The following KAZN variants were observed in gnomAD, a reference collection of about 807,000 sequenced individuals.
The protein encoded by KAZN is kazrin.
A neutral mutation model predicts 87.4 loss-of-function variants in KAZN; 40 were observed. The ratio of observed to expected loss-of-function variants is 0.46; its 90% CI spans 0.36 to 0.60. The LOEUF (loss-of-function observed/expected upper bound fraction) is 0.60. Ranked by LOEUF, KAZN falls within the 20% of genes least tolerant of loss-of-function variation. KAZN has a pLI of 0.00. For missense variants in KAZN, 898 were observed against 1,073.9 expected (o/e 0.84, Z 2.29); for synonymous variants, 466 against 458.3 (o/e 1.02, Z -0.22).
intron 1 of KAZN, among the ~76,000 whole-genome samples, chr1:14,731,880 T>G (rs1643693512): frequency 6.6e-6 from 1 of 151,500 alleles, no homozygotes; most frequent in Non-Finnish European, 1.5e-5. Context: ...ATGAGGGGGG[T>G]TGGGAGCGTT....
At position 14,481,198 on chromosome 1, in the gene KAZN, T is replaced by C. The variant is rs116095544; in HGVS notation, c.250-117785T>C. On this transcript the variant is annotated intron_variant, in intron 2 of 16. Transcript: ENST00000636203. ...CCTCTGCCTCTTATGTGTTGCATCT[T>C]CTTGGGCAATTTTCCTGCCCACTCA... Among the ~76,000 whole-genome samples the C allele has an allele frequency of 2.5e-3, 388 of 152,234 alleles. 1 individual carries two copies. The highest frequency in any genetic ancestry group is 7.6e-3 in the African/African-American group (317 of 41,562).
At chr1:14,324,641 A>G (rs74388618) in intron 2 of KAZN, among the ~76,000 whole-genome samples, 3,508 of 152,144 alleles carry the variant, frequency 0.023, 140 homozygotes, top group African/African-American at 0.08. Flanking sequence ...ATGGAGTGCC[A>G]TTCTACCAAG....
chr1:14,516,240 GCTCT>G (rs1233135573), intron 2 of KAZN, among the ~76,000 whole-genome samples: 1 of 152,202 alleles, frequency 6.6e-6, no homozygotes, highest in Non-Finnish European at 1.5e-5. Flanking sequence ...GTCATTCCCT[GCTCT>G]CTCTCATGAT....
chr1:14,064,276 TG>T (rs1423494692), intron 1 of KAZN, among the ~76,000 whole-genome samples: 1 of 152,078 alleles, frequency 6.6e-6, no homozygotes, highest in Non-Finnish European at 1.5e-5. Context: ...GAGGGGAGGC[TG>T]GGGGCTCTAA....
chr1:13,962,242 G>A (rs1641780613), intron 1 of KAZN, among the ~76,000 whole-genome samples: 1 of 152,156 alleles, frequency 6.6e-6, no homozygotes, highest in African/African-American at 2.4e-5. Context: ...GTGGCTACAG[G>A]TGCAGTAGGG....
At chr1:14,881,880 G>A (rs1572717725) in intron 1 of KAZN, among the ~76,000 whole-genome samples, 1 of 152,198 alleles carries the variant, frequency 6.6e-6, no homozygotes, top group East Asian at 1.9e-4. Flanking sequence ...GGCTATGGTG[G>A]TGGCAGCTTT....
rs1386259138 is a variant in KAZN, at chr1:15,117,929, C to T, written c.*3294C>T. The T allele has an allele frequency of 6.6e-6, 1 of 152,236 alleles. No individual in the cohort carries two copies. The highest frequency in any genetic ancestry group is 1.9e-4 in the East Asian group (1 of 5,198). 9.4% of individuals were successfully genotyped at this position (152,236 alleles called of 1,614,324 possible). A position where few individuals can be genotyped will look rare whatever the true frequency, so the allele number is the denominator to read the frequency against. On this transcript the variant is annotated 3_prime_UTR_variant, in exon 15 of 15. Coordinates refer to ENST00000376030, the MANE Select transcript of KAZN (RefSeq NM_201628.3). The stretch of plus-strand genomic sequence containing the variant: ...CCTGACACACAAAGGCATTTTGTGG[C>T]TGCAGAGGAAATGGGTTGGCTCTGA...
At chr1:14,259,220 T>C (rs1650819488) in intron 2 of KAZN, among the ~76,000 whole-genome samples, 1 of 152,070 alleles carries the variant, frequency 6.6e-6, no homozygotes, top group Non-Finnish European at 1.5e-5. Flanking sequence ...GAGAGTATGC[T>C]GGGAGCACGT....
At chr1:14,660,194 G>A (rs141898796) in intron 1 of KAZN, among the ~76,000 whole-genome samples, 45 of 152,250 alleles carry the variant, frequency 3.0e-4, no homozygotes, top group African/African-American at 1.0e-3. Flanking sequence ...GCCCGTGCCC[G>A]AACACAGATG....
rs564897928 is a variant in KAZN at position 14,599,706 on chromosome 1, C to A, written c.226+483C>A. On this transcript the variant is annotated intron_variant, in intron 1 of 14. Coordinates refer to ENST00000376030, the MANE Select transcript of KAZN (RefSeq NM_201628.3). The surrounding 1 kb of genome is among the most constrained non-coding windows in gnomAD (Gnocchi z 4.4). ...GCACTTTTCTCCGCGGATGCCAAAT[C>A]CCTTGGCTCAGTTGCATCTGGACTT... is the stretch of plus-strand genomic sequence containing the variant. Among the ~76,000 whole-genome samples, 1 of 152,310 alleles carries A rather than the reference C, an allele frequency of 6.6e-6. No individual in the cohort carries two copies. Among genetic ancestry groups the A allele is most frequent in the South Asian group, 2.1e-4 (1 of 4,820 alleles).
chr1:13,955,484 T>C (rs972954707), intron 1 of KAZN, among the ~76,000 whole-genome samples: 1 of 152,134 alleles, frequency 6.6e-6, no homozygotes, highest in African/African-American at 2.4e-5. Context: ...TCTTTTGGGA[T>C]TGTGATTTTT....
chr1:14,092,852 C>A (rs140867081), intron 1 of KAZN, among the ~76,000 whole-genome samples: 185 of 152,148 alleles, frequency 1.2e-3, no homozygotes, highest in African/African-American at 4.3e-3. Flanking sequence ...ATTAATTTTT[C>A]TGTGCTATTA....
intron 2 of KAZN, among the ~76,000 whole-genome samples, chr1:14,419,590 G>A (rs1437853116): frequency 2.6e-5 from 4 of 152,288 alleles, no homozygotes; most frequent in East Asian, 3.9e-4. Context: ...GGACCCTCGC[G>A]ATTTGAGTGT....
chr1:14,788,522 A>C (rs1393698351), intron 1 of KAZN, among the ~76,000 whole-genome samples: 2 of 152,134 alleles, frequency 1.3e-5, no homozygotes, highest in African/African-American at 4.8e-5. Context: ...AAGGCTTATA[A>C]GGTTTTCTTT....
chr1:14,945,122 G>A (rs1273069840), intron 1 of KAZN, among the ~76,000 whole-genome samples: 5 of 152,134 alleles, frequency 3.3e-5, no homozygotes, highest in African/African-American at 1.2e-4. Flanking sequence ...CTGTCAAGTA[G>A]GACTGAAACT....
intron 2 of KAZN, among the ~76,000 whole-genome samples, chr1:14,489,736 AAATAATAATAAT>A (rs57610968): frequency 6.9e-5 from 10 of 144,514 alleles, no homozygotes; most frequent in South Asian, 4.4e-4. Flanking sequence ...TCTGTCTTAA[AAATAATAATAAT>A]AATAATAATA....
chr1:15,090,210 T>C (rs962659939), intron 8 of KAZN, among the ~76,000 whole-genome samples: 8 of 152,244 alleles, frequency 5.3e-5, no homozygotes, highest in African/African-American at 1.9e-4. Flanking sequence ...CTGGTCCAAA[T>C]GGATGACAGG....
intron 2 of KAZN, among the ~76,000 whole-genome samples, chr1:14,258,125 A>G (rs1015540252): frequency 6.6e-6 from 1 of 151,634 alleles, no homozygotes; most frequent in Non-Finnish European, 1.5e-5. Flanking sequence ...GGTAGATCAC[A>G]ATGAACCCTC....
At position 14,930,065 on chromosome 1, in the gene KAZN, G is replaced by T. The variant is rs376848905; in HGVS notation, c.227-30619G>T. ...GACAGGTACGTGAGTGCTGGCCGCT[G>T]TCCCAGCCCTGAACTGGCTGACACT... On this transcript the variant is annotated intron_variant, in intron 1 of 14. Transcript: ENST00000376030. The T allele has an allele frequency of 1.7e-4, 166 of 985,612 alleles. 2 individuals are homozygous for T. The African/African-American group carries it at 2.7e-3, about 16-fold the overall frequency. 61.1% of individuals were successfully genotyped at this position (985,612 alleles called of 1,614,324 possible). A position where few individuals can be genotyped will look rare whatever the true frequency, so the allele number is the denominator to read the frequency against.
Sources: allele counts gnomAD v4.1 joint callset (sites outside exome capture counted in the v4.1 genomes callset), GRCh38; gene constraint gnomAD v4.1.1; non-coding constraint Gnocchi (gnomAD v3.1); transcripts MANE v1.5; gene names NCBI Gene and HGNC (gene_info 2026-07-23, HGNC 2026-07-21).